PIAS2: variants seen among roughly 807,000 people sequenced by gnomAD.
PIAS2 encodes the protein protein inhibitor of activated STAT 2, also known as E3 SUMO-protein ligase PIAS2.
A neutral mutation model predicts 69.7 loss-of-function variants in PIAS2; 19 were observed. The ratio of observed to expected loss-of-function variants is 0.27; its 90% CI spans 0.19 to 0.40. The LOEUF (loss-of-function observed/expected upper bound fraction) is 0.40. Ranked by LOEUF, PIAS2 falls within the 10% of genes least tolerant of loss-of-function variation. The pLI is 1.00. For missense variants in PIAS2, 624 were observed against 757.0 expected (o/e 0.82, Z 2.06); for synonymous variants, 261 against 263.2 (o/e 0.99, Z 0.08).
chr18:46,870,766 GAAGA>G (rs1568630330), intron 2 of PIAS2, among the ~76,000 whole-genome samples: 1 of 152,114 alleles, frequency 6.6e-6, no homozygotes. Context: ...CTTTTCAGGG[GAAGA>G]AAGAAGCATG....
rs894051351 is a variant in PIAS2, at chr18:46,815,492, A to G, written c.1649-143T>C. The G allele has an allele frequency of 6.8e-6, 10 of 1,469,156 alleles. No individual in the cohort carries two copies. In the African/African-American group the frequency reaches 1.3e-4, roughly 19 times the overall value. The allele number at this position is 1,469,156 out of a possible 1,614,324, so 91.0% of individuals were successfully genotyped here. ...CACAGAGAAGTTCTATACCATGATC[A>G]GTGATATTTGAAGTGTTTAAAACCC... On this transcript the variant is annotated intron_variant, in intron 12 of 13. Coordinates refer to ENST00000585916, the MANE Select transcript of PIAS2 (RefSeq NM_004671.5).
rs1376368217 is a variant in PIAS2 at position 46,846,713 on chromosome 18, A to T, written c.855T>A (p.Ile285=). The change falls in exon 6 of 14, where the codon ATT becomes ATA. Residue 285 remains isoleucine, a synonymous_variant. Coordinates refer to ENST00000585916, the MANE Select transcript of PIAS2 (RefSeq NM_004671.5). ...NQISISWASE[I]GKNYSMSVYL... ...CAAAACGGAGAGCTTTTACCTTCCC[A>T]ATTTCTGATGCCCAAGAAATGGAAA... 1.2e-6 allele frequency: 2 copies of T among 1,611,710 alleles called. No individual in the cohort carries two copies. The highest frequency in any genetic ancestry group is 2.7e-5 in the African/African-American group (2 of 74,836).
At chr18:46,842,710 C>T (rs902140341) in intron 8 of PIAS2, among the ~76,000 whole-genome samples, 8 of 152,114 alleles carry the variant, frequency 5.3e-5, no homozygotes, top group African/African-American at 1.9e-4. Flanking sequence ...CTGAAAAGAA[C>T]TCATGCCTGA....
intron 2 of PIAS2, among the ~76,000 whole-genome samples, chr18:46,873,678 G>C (rs760765565): frequency 6.6e-6 from 1 of 152,196 alleles, no homozygotes; most frequent in Non-Finnish European, 1.5e-5. Context: ...CTCATTAATA[G>C]CAAAGGCCAA....
At position 46,864,324 on chromosome 18, in the gene PIAS2, A is replaced by AT. The variant is rs926092705; in HGVS notation, c.500-77dup. 6 of 955,704 alleles carry AT rather than the reference A, an allele frequency of 6.3e-6. No individual in the cohort carries two copies. The African/African-American group carries it at 6.6e-5, about 11-fold the overall frequency. 59.2% of individuals were successfully genotyped at this position (955,704 alleles called of 1,614,324 possible). A position where few individuals can be genotyped will look rare whatever the true frequency, so the allele number is the denominator to read the frequency against. ...CTACAACCACCTGCAATAACCAGGCATTTTTTATAAAGTACCTGCCAAATT... is the reference window on the plus strand; with the variant it reads ...CTACAACCACCTGCAATAACCAGGCATTTTTTTATAAAGTACCTGCCAAATT... On this transcript the variant is annotated intron_variant, in intron 2 of 13. Transcript: ENST00000585916.
At position 46,900,753 on chromosome 18, in the gene PIAS2, A is replaced by G. The variant is rs533088513; in HGVS notation, c.25-9699T>C. On this transcript the variant is annotated intron_variant, in intron 1 of 13. Transcript: ENST00000585916. ...CATTTTGGGAGACCGAGGCGGGTGA[A>G]TCACGAGGTCAGGCGTTCAAGACCA... is the stretch of plus-strand genomic sequence containing the variant. Among the ~76,000 whole-genome samples the G allele has an allele frequency of 2.0e-5, 3 of 151,888 alleles. No homozygotes were observed. The East Asian group carries it at 5.8e-4, about 30-fold the overall frequency.
chr18:46,902,294 C>A (rs754843596), intron 1 of PIAS2, among the ~76,000 whole-genome samples: 1 of 150,910 alleles, frequency 6.6e-6, no homozygotes, highest in Non-Finnish European at 1.5e-5. Context: ...CGATGGCTCA[C>A]GCCTGTAATC....
intron 1 of PIAS2, among the ~76,000 whole-genome samples, chr18:46,897,014 T>C (rs1385203965): frequency 1.3e-5 from 2 of 152,182 alleles, no homozygotes; most frequent in Admixed American, 1.3e-4. Context: ...TTGATTAACT[T>C]CTGAAGCTGT....
At chr18:46,875,710 C>A (rs1226453705) in intron 2 of PIAS2, among the ~76,000 whole-genome samples, 1 of 152,166 alleles carries the variant, frequency 6.6e-6, no homozygotes, top group Non-Finnish European at 1.5e-5. Context: ...AGACAGGATA[C>A]AAAGATGCAA....
chr18:46,874,734 C>G (rs1029742674), intron 2 of PIAS2, among the ~76,000 whole-genome samples: 1 of 152,200 alleles, frequency 6.6e-6, no homozygotes, highest in Non-Finnish European at 1.5e-5. Context: ...TCAGGAGTTA[C>G]ATACTTAGTC....
intron 2 of PIAS2, among the ~76,000 whole-genome samples, chr18:46,874,753 A>C (rs1286986602): frequency 1.3e-5 from 2 of 152,168 alleles, no homozygotes; most frequent in African/African-American, 2.4e-5. Context: ...TCTGTCTTCC[A>C]CTTTCTCTTC....
At chr18:46,826,943 T>C (rs1232969842) in intron 11 of PIAS2, 2 of 152,054 alleles carry the variant, frequency 1.3e-5, no homozygotes, top group African/African-American at 2.4e-5. Context: ...AAAAAAACGA[T>C]TGCCTAGATT....
At chr18:46,916,648 TC>T (rs1214330116) in intron 1 of PIAS2, among the ~76,000 whole-genome samples, 2 of 152,166 alleles carry the variant, frequency 1.3e-5, no homozygotes, top group Non-Finnish European at 2.9e-5. Context: ...AAAATATTTT[TC>T]CTCAAGAGTA....
At chr18:46,817,021 T>C in intron 12 of PIAS2, 2 of 934,932 alleles carry the variant, frequency 2.1e-6, no homozygotes. Context: ...ATTTTCAATA[T>C]TTCTATTATT....
At chr18:46,886,430 A>G (rs2053197564) in intron 2 of PIAS2, among the ~76,000 whole-genome samples, 1 of 152,254 alleles carries the variant, frequency 6.6e-6, no homozygotes, top group Non-Finnish European at 1.5e-5. Context: ...AGGAGGAATT[A>G]GAAAACAAAT....
chr18:46,849,436 A>G (rs2046639268), intron 5 of PIAS2, among the ~76,000 whole-genome samples: 1 of 152,186 alleles, frequency 6.6e-6, no homozygotes, highest in Non-Finnish European at 1.5e-5. Context: ...ATTTCTAACA[A>G]TTTTCCATAT....
At chr18:46,884,337 G>C (rs1476777992) in intron 2 of PIAS2, among the ~76,000 whole-genome samples, 1 of 151,410 alleles carries the variant, frequency 6.6e-6, no homozygotes, top group Non-Finnish European at 1.5e-5. Context: ...TTTTGAGACA[G>C]AGTCTCACTC....
At chr18:46,818,007 G>C in intron 12 of PIAS2, 1 of 987,392 alleles carries the variant, frequency 1.0e-6, no homozygotes, top group Non-Finnish European at 1.2e-6. Context: ...TATGCCCTCC[G>C]AAGTATTTCA....
chr18:46,878,350 G>A (rs1301468219), intron 2 of PIAS2, among the ~76,000 whole-genome samples: 1 of 152,148 alleles, frequency 6.6e-6, no homozygotes, highest in Admixed American at 6.5e-5. Flanking sequence ...TGCTTTTTAA[G>A]ATACCAAAAT....
Sources: gnomAD v4.1 joint callset for allele counts (sites outside exome capture counted in the v4.1 genomes callset) on GRCh38, gnomAD v4.1.1 for gene constraint, MANE v1.5 for transcripts, NCBI Gene and HGNC (gene_info 2026-07-23, HGNC 2026-07-21) for gene names.